The following AHNAK variants were observed in gnomAD, a reference collection of about 807,000 sequenced individuals.
The protein encoded by AHNAK is AHNAK nucleoprotein.
Under a neutral mutation model 37.8 loss-of-function variants are expected in AHNAK, and 23 were observed. The ratio of observed to expected loss-of-function variants is 0.61; its 90% CI spans 0.44 to 0.86. AHNAK has a LOEUF of 0.86. Among genes scored for constraint, AHNAK ranks in the 40% least tolerant of loss-of-function variants. The pLI is 0.00. For synonymous variants in AHNAK, 2,481 were observed against 2,636.3 expected (o/e 0.94, Z 1.80); for missense variants, 7,411 against 7,319.4 (o/e 1.01, Z -0.46).
At chr11:62,475,965 C>A (rs1485263497) in intron 5 of AHNAK, among the ~76,000 whole-genome samples, 2 of 152,130 alleles carry the variant, frequency 1.3e-5, no homozygotes, top group Non-Finnish European at 2.9e-5. Context: ...TTATTACTTG[C>A]TGTTTATTTT....
intron 5 of AHNAK, among the ~76,000 whole-genome samples, chr11:62,466,534 G>T (rs1189149344): frequency 1.4e-5 from 2 of 147,300 alleles, no homozygotes; most frequent in Non-Finnish European, 3.0e-5. Context: ...TAAATGACAA[G>T]GCCATTTAGC....
chr11:62,514,865 G>A (rs1590642630), downstream of AHNAK, among the ~76,000 whole-genome samples: 4 of 152,312 alleles, frequency 2.6e-5, no homozygotes, highest in South Asian at 8.3e-4. Flanking sequence ...GAGGACAGAT[G>A]AAGCTAGGGA....
chr11:62,464,667 C>CAAA (rs55916906), intron 5 of AHNAK, among the ~76,000 whole-genome samples: 2 of 142,004 alleles, frequency 1.4e-5, no homozygotes, highest in Non-Finnish European at 1.5e-5. Context: ...GATTCCGTCT[C>CAAA]AAAAAAAAAA....
At chr11:62,505,793 C>T (rs1939800226) in intron 4 of AHNAK, among the ~76,000 whole-genome samples, 1 of 151,134 alleles carries the variant, frequency 6.6e-6, no homozygotes, top group African/African-American at 2.4e-5. Flanking sequence ...CCTGGCCACA[C>T]TGTCAGCCTC....
At chr11:62,538,677 G>A (rs549766435) in intron 1 of AHNAK, among the ~76,000 whole-genome samples, 172 of 152,328 alleles carry the variant, frequency 1.1e-3, no homozygotes, top group Admixed American at 7.3e-3. Context: ...TGCGTTAGAC[G>A]GTGACCTCAC....
At chr11:62,511,575 G>T (rs1341413972), downstream of AHNAK, among the ~76,000 whole-genome samples, 4 of 152,082 alleles carry the variant, frequency 2.6e-5, no homozygotes, top group East Asian at 5.8e-4. Flanking sequence ...ATTTTTTACA[G>T]AAGTAAGTGT....
chr11:62,544,486 G>C (rs1317604792), intron 1 of AHNAK, among the ~76,000 whole-genome samples: 1 of 152,090 alleles, frequency 6.6e-6, no homozygotes, highest in Non-Finnish European at 1.5e-5. Flanking sequence ...GAGGGGCTCA[G>C]ACACCCTCTA....
At chr11:62,443,941 A>AC (rs913944016) in intron 5 of AHNAK, among the ~76,000 whole-genome samples, 23 of 152,198 alleles carry the variant, frequency 1.5e-4, no homozygotes, top group African/African-American at 5.3e-4. Context: ...TAGAAATGTC[A>AC]CCCCAGGGTC....
downstream of AHNAK, among the ~76,000 whole-genome samples, chr11:62,514,208 G>A (rs573816914): frequency 1.6e-4 from 24 of 152,108 alleles, no homozygotes; most frequent in South Asian, 8.3e-4. Context: ...CCCCACTGTC[G>A]CACACTCACC....
In AHNAK at chr11:62,521,736, A is replaced by T; in HGVS notation, c.12681T>A (p.Asp4227Glu). The part of the protein sequence containing the change: ...LDVSGPKVDI[D>E]VPDVNIEGPD... Reference sequence around the variant, plus strand: ...GACCTTCGATATTCACATCAGGAACATCAATGTCCACCTTGGGTCCTGAGA... The same window carrying T: ...GACCTTCGATATTCACATCAGGAACTTCAATGTCCACCTTGGGTCCTGAGA... The change falls in exon 5 of 5, where the codon GAT becomes GAA. Residue 4227 changes from aspartate to glutamate, a missense_variant. Asp to Glu is a conservative substitution (Grantham distance 45). Transcript: ENST00000378024. 1.2e-6 allele frequency: 2 copies of T among 1,613,780 alleles called. No individual in the cohort carries two copies. Among genetic ancestry groups the T allele is most frequent in the Non-Finnish European group, 1.7e-6 (2 of 1,179,978 alleles).
At chr11:62,435,836 C>T (rs1938157028) in intron 5 of AHNAK, among the ~76,000 whole-genome samples, 1 of 152,282 alleles carries the variant, frequency 6.6e-6, no homozygotes, top group South Asian at 2.1e-4. Flanking sequence ...GCTGGCCGCA[C>T]CCAGCCAGTT....
intron 5 of AHNAK, among the ~76,000 whole-genome samples, chr11:62,466,595 C>G (rs923928068): frequency 6.6e-6 from 1 of 151,870 alleles, no homozygotes; most frequent in Non-Finnish European, 1.5e-5. Context: ...GTCTCTCACC[C>G]CTGCCTCCTA....
intron 5 of AHNAK, among the ~76,000 whole-genome samples, chr11:62,439,664 G>GTTTTTTTTTTTTTTTTTTTTTTTTTT (rs1565194563): frequency 7.9e-6 from 1 of 126,420 alleles, no homozygotes. Flanking sequence ...ATTTTTGTGT[G>GTTTTTTTTTTTTTTTTTTTTTTTTTT]ATTTTTTTTT....
chr11:62,525,090 C>T lies in AHNAK; in HGVS notation c.9327G>A (p.Met3109Ile). ...NLKGPKVKGD[M>I]DVSLPKVEGD... ...CTTCCACTTTTGGCAGAGACACATC[C>T]ATGTCACCCTTCACTTTGGGACCTT... Residue 3109 changes from methionine (M) to isoleucine (I), a missense_variant, in exon 5 of 5, where the codon ATG becomes ATA. Transcript: ENST00000378024. The T allele has an allele frequency of 6.2e-7, 1 of 1,614,120 alleles. No homozygotes were observed.
chr11:62,544,857 A>G (rs769677544), intron 1 of AHNAK, among the ~76,000 whole-genome samples: 1 of 151,914 alleles, frequency 6.6e-6, no homozygotes, highest in Non-Finnish European at 1.5e-5. Flanking sequence ...GCCTTCCCCC[A>G]CTCTCAGCTT....
At position 62,519,356 on chromosome 11, in the gene AHNAK, T is replaced by G; in HGVS notation, c.15061A>C (p.Ser5021Arg). The stretch of plus-strand genomic sequence containing the variant: ...TGAATTTTAGGCATTTTAAACTTAC[T>G]TTTCTTGCCCTTGCCACCAACACTA... Reference protein sequence around the residue: ...EISVGGKGKKSKFKMPKIHMS... With the variant: ...EISVGGKGKKRKFKMPKIHMS... Residue 5021 changes from serine to arginine, a missense_variant, in exon 5 of 5, where the codon AGT (serine) becomes CGT (arginine). Coordinates refer to ENST00000378024, the MANE Select transcript of AHNAK (RefSeq NM_001620.3). 5 of 1,614,134 alleles carry G rather than the reference T, an allele frequency of 3.1e-6. No homozygotes were observed. The highest frequency in any genetic ancestry group is 4.2e-6 in the Non-Finnish European group (5 of 1,180,008).
intron 4 of AHNAK, among the ~76,000 whole-genome samples, chr11:62,508,244 G>A (rs1939843231): frequency 6.6e-6 from 1 of 152,146 alleles, no homozygotes; most frequent in Non-Finnish European, 1.5e-5. Context: ...AAACGGCAGT[G>A]ACATCACAGG....
At chr11:62,438,758 C>A (rs1418777441) in intron 5 of AHNAK, among the ~76,000 whole-genome samples, 1 of 152,120 alleles carries the variant, frequency 6.6e-6, no homozygotes, top group Admixed American at 6.5e-5. Flanking sequence ...GGAAGACCTT[C>A]TCTGTTCTCT....
At chr11:62,487,867 G>A (rs1248848270) in intron 5 of AHNAK, among the ~76,000 whole-genome samples, 1 of 152,118 alleles carries the variant, frequency 6.6e-6, no homozygotes. Flanking sequence ...GGAAAGGCTT[G>A]TTTCTCACAT....
Sources: allele counts gnomAD v4.1 joint callset (sites outside exome capture counted in the v4.1 genomes callset), GRCh38; gene constraint gnomAD v4.1.1; transcripts MANE v1.5; gene names NCBI Gene and HGNC (gene_info 2026-07-23, HGNC 2026-07-21).